The following TACR1 variants were observed in gnomAD, a reference collection of about 807,000 sequenced individuals.
TACR1 encodes the protein substance-P receptor.
A neutral mutation model predicts 35.8 loss-of-function variants in TACR1; 25 were observed. That is an observed-to-expected ratio of 0.70 (90% CI 0.51 to 0.98). The LOEUF (loss-of-function observed/expected upper bound fraction) is 0.98. Among genes scored for constraint, TACR1 ranks in the 50% least tolerant of loss-of-function variants. TACR1 has a pLI of 0.00. For synonymous variants in TACR1, 195 were observed against 206.7 expected (o/e 0.94, Z 0.48); for missense variants, 478 against 522.9 (o/e 0.91, Z 0.84).
At chr2:75,063,474 A>C (rs527523012) in intron 2 of TACR1, among the ~76,000 whole-genome samples, 6 of 152,292 alleles carry the variant, frequency 3.9e-5, no homozygotes, top group African/African-American at 1.4e-4. Context: ...TATTTTGTTG[A>C]GTATTATGAG....
chr2:75,155,974 A>C (rs1467812749), intron 1 of TACR1, among the ~76,000 whole-genome samples: 1 of 152,224 alleles, frequency 6.6e-6, no homozygotes, highest in Non-Finnish European at 1.5e-5. Flanking sequence ...TAAATGATTG[A>C]AAAAAATAAA....
intron 2 of TACR1, among the ~76,000 whole-genome samples, chr2:75,083,651 A>G (rs1017258498): frequency 6.6e-6 from 1 of 152,100 alleles, no homozygotes; most frequent in Non-Finnish European, 1.5e-5. Context: ...CTTCCCTTGT[A>G]AGTTGGATTC....
chr2:75,113,836 AT>A (rs909992933), intron 2 of TACR1, among the ~76,000 whole-genome samples: 15 of 150,712 alleles, frequency 1.0e-4, no homozygotes, highest in African/African-American at 2.7e-4. Flanking sequence ...AAGGATCCAC[AT>A]TTTTTTTTAA....
chr2:75,050,653 A>G (rs528945535), intron 4 of TACR1, among the ~76,000 whole-genome samples: 1 of 151,886 alleles, frequency 6.6e-6, no homozygotes, highest in Non-Finnish European at 1.5e-5. Context: ...GCTCTCCCCA[A>G]CCCCTTTGAC....
chr2:75,178,451 C>T (rs907873198), intron 1 of TACR1, among the ~76,000 whole-genome samples: 1 of 151,904 alleles, frequency 6.6e-6, no homozygotes, highest in Non-Finnish European at 1.5e-5. Flanking sequence ...TCCCAAAGTG[C>T]TGGGATTACA....
At chr2:75,102,055 T>C (rs1673543200) in intron 2 of TACR1, among the ~76,000 whole-genome samples, 1 of 152,170 alleles carries the variant, frequency 6.6e-6, no homozygotes, top group Non-Finnish European at 1.5e-5. Context: ...TCAAAAAGCA[T>C]TAGTGCCATG....
intron 2 of TACR1, among the ~76,000 whole-genome samples, chr2:75,066,830 C>T (rs755264713): frequency 2.0e-5 from 3 of 152,214 alleles, no homozygotes; most frequent in Non-Finnish European, 4.4e-5. Flanking sequence ...AAGGATACTA[C>T]ATTAATCAAT....
chr2:75,048,351 A>C lies in TACR1; in HGVS notation c.*1081T>G, dbSNP rs901454391. On this transcript the variant is annotated 3_prime_UTR_variant, in exon 5 of 5. Transcript: ENST00000305249. ...TCTGACAGTGTTCTGCAGCTATGAAATTCTGCCTGCTAAAGCTGGATGGAT... is the reference window on the plus strand; with the variant it reads ...TCTGACAGTGTTCTGCAGCTATGAACTTCTGCCTGCTAAAGCTGGATGGAT... 6.6e-6 allele frequency: 1 copy of C among 152,220 alleles called. No individual in the cohort carries two copies. The highest frequency in any genetic ancestry group is 1.5e-5 in the Non-Finnish European group (1 of 68,040). 9.4% of individuals were successfully genotyped at this position (152,220 alleles called of 1,614,324 possible).
intron 1 of TACR1, among the ~76,000 whole-genome samples, chr2:75,139,011 T>A (rs775115319): frequency 5.6e-4 from 86 of 152,250 alleles, no homozygotes; most frequent in Middle Eastern, 3.4e-3. Flanking sequence ...TTATTTATTA[T>A]AAAATAAATT....
intron 1 of TACR1, among the ~76,000 whole-genome samples, chr2:75,162,273 G>A (rs1458402076): frequency 6.6e-6 from 1 of 152,138 alleles, no homozygotes; most frequent in African/African-American, 2.4e-5. Flanking sequence ...ATTTATGAAG[G>A]TCAAAGGCAT....
Position 75,198,786 on chromosome 2 carries a change from T to C in TACR1, c.149A>G (p.Asn50Ser). The C allele has an allele frequency of 1.2e-6, 2 of 1,614,156 alleles. No homozygotes were observed. Among genetic ancestry groups the C allele is most frequent in the Non-Finnish European group, 1.7e-6 (2 of 1,180,026 alleles). Residue 50 changes from asparagine to serine, a missense_variant, in exon 1 of 5, where the codon AAC (asparagine) becomes AGC (serine). By Grantham distance (46) the Asn-to-Ser change is conservative. Transcript: ENST00000305249. Reference protein sequence around the residue: ...TVIVVTSVVGNVVVMWIILAH... With the variant: ...TVIVVTSVVGSVVVMWIILAH... Reference sequence around the variant, plus strand: ...TAAGATGATCCACATCACTACCACGTTGCCCACCACAGAGGTCACCACAAT... The same window carrying C: ...TAAGATGATCCACATCACTACCACGCTGCCCACCACAGAGGTCACCACAAT...
At chr2:75,061,134 T>C (rs2103797012) in intron 2 of TACR1, among the ~76,000 whole-genome samples, 1 of 148,036 alleles carries the variant, frequency 6.8e-6, no homozygotes, top group South Asian at 2.1e-4. Context: ...GGATGCAAGA[T>C]GGCCATGAGA....
chr2:75,128,799 G>A (rs1397421026), intron 1 of TACR1, among the ~76,000 whole-genome samples: 1 of 152,150 alleles, frequency 6.6e-6, no homozygotes, highest in Non-Finnish European at 1.5e-5. Context: ...CAACATTTGT[G>A]AGCTACTGTT....
intron 2 of TACR1, 79 bp downstream of exon 2, chr2:75,120,495 A>C: frequency 7.5e-7 from 1 of 1,332,444 alleles, no homozygotes; most frequent in Non-Finnish European, 1.0e-6. Context: ...AGAATATGGA[A>C]AGAAAGAAAG....
chr2:75,093,452 C>T (rs2103857519), intron 2 of TACR1, among the ~76,000 whole-genome samples: 1 of 152,270 alleles, frequency 6.6e-6, no homozygotes, highest in East Asian at 1.9e-4. Context: ...CTGCTAATCT[C>T]CCCTGTGGAA....
At chr2:75,093,521 C>T (rs1673350260) in intron 2 of TACR1, among the ~76,000 whole-genome samples, 1 of 152,140 alleles carries the variant, frequency 6.6e-6, no homozygotes, top group Non-Finnish European at 1.5e-5. Context: ...TATGGGTGAG[C>T]ATTGAGGACA....
Position 75,049,636 on chromosome 2 carries a change from C to T in TACR1, c.1020G>A (p.Arg340=), listed in dbSNP as rs748071002. 6 of 1,614,146 alleles carry T rather than the reference C, an allele frequency of 3.7e-6. No individual in the cohort carries two copies. The highest frequency in any genetic ancestry group is 4.5e-5 in the East Asian group (2 of 44,862). Residue 340 remains arginine (R), a synonymous_variant, in exon 5 of 5, where the codon CGG becomes CGA. Transcript: ENST00000305249. ...ACACACTGCCCTGGGTCTGGAGATA[C>T]CGGGTGGATTTCATTTCCAGCCCCT... The part of the protein sequence containing the change: ...DYEGLEMKST[R]YLQTQGSVYK...
intron 2 of TACR1, among the ~76,000 whole-genome samples, chr2:75,065,756 A>G (rs865791857): frequency 2.0e-5 from 3 of 152,206 alleles, no homozygotes; most frequent in South Asian, 2.1e-4. Flanking sequence ...GTGCCAACGG[A>G]TATGAGTAAA....
intron 1 of TACR1, among the ~76,000 whole-genome samples, chr2:75,155,473 T>C (rs72920643): frequency 0.035 from 5,318 of 150,838 alleles, 325 homozygotes; most frequent in African/African-American, 0.12. Flanking sequence ...CACAAGTGCC[T>C]CACAACTGCC....
Sources: gnomAD v4.1 joint callset for allele counts (sites outside exome capture counted in the v4.1 genomes callset) on GRCh38, gnomAD v4.1.1 for gene constraint, MANE v1.5 for transcripts, NCBI Gene and HGNC (gene_info 2026-07-23, HGNC 2026-07-21) for gene names.